TAF2: variants seen among roughly 807,000 people sequenced by gnomAD.
TAF2 encodes the protein transcription initiation factor TFIID subunit 2.
TAF2 carries 61 observed loss-of-function variants against 138.5 expected under a neutral mutation model. That is an observed-to-expected ratio of 0.44 (90% CI 0.36 to 0.54). TAF2 has a LOEUF of 0.54. Among genes scored for constraint, TAF2 ranks in the 20% least tolerant of loss-of-function variants. The pLI is 0.00. For missense variants in TAF2, 1,090 were observed against 1,427.9 expected, an observed-to-expected ratio of 0.76 and a Z score of 3.81; for synonymous variants, 475 against 469.9, an observed-to-expected ratio of 1.01 and a Z score of -0.14.
chr8:119,756,379 T>C (rs189585030), intron 21 of TAF2, among the ~76,000 whole-genome samples: 1 of 152,236 alleles, frequency 6.6e-6, no homozygotes, highest in East Asian at 1.9e-4. Context: ...GTGGATTTGG[T>C]CTTTCTAAAA....
intron 18 of TAF2, among the ~76,000 whole-genome samples, chr8:119,773,959 CAGG>C (rs1343589906): frequency 6.6e-6 from 1 of 151,672 alleles, no homozygotes; most frequent in Non-Finnish European, 1.5e-5. Flanking sequence ...ATCACGAGGT[CAGG>C]AGATCGAGAC....
intron 11 of TAF2, among the ~76,000 whole-genome samples, chr8:119,790,467 A>T (rs1823343193): frequency 6.6e-6 from 1 of 152,068 alleles, no homozygotes; most frequent in South Asian, 2.1e-4. Flanking sequence ...AAAAAAGGCA[A>T]GGTGAAGGAC....
At chr8:119,732,687 C>T (rs1818961048) in intron 25 of TAF2, among the ~76,000 whole-genome samples, 1 of 151,994 alleles carries the variant, frequency 6.6e-6, no homozygotes, top group African/African-American at 2.4e-5. Context: ...GCCTGTAATC[C>T]CAGGTACTTG....
chr8:119,809,998 T>TTAAAA (rs71571632), intron 3 of TAF2, among the ~76,000 whole-genome samples: 8 of 117,674 alleles, frequency 6.8e-5, no homozygotes, highest in Admixed American at 5.6e-4. Context: ...CTTCAATTTG[T>TTAAAA]AAAAAAAAAA....
chr8:119,793,497 C>A, intron 9 of TAF2, 46 bp from the exon 10 acceptor site: 1 of 1,313,686 alleles, frequency 7.6e-7, no homozygotes, highest in Non-Finnish European at 1.1e-6. Context: ...TGTAAAGTAA[C>A]ATTTTTTTAC....
chr8:119,773,259 C>T (rs1586387781), intron 18 of TAF2, among the ~76,000 whole-genome samples: 1 of 151,400 alleles, frequency 6.6e-6, no homozygotes. Context: ...TCTTATAATA[C>T]ACTACCATTT....
At chr8:119,734,282 T>A (rs1242408011) in intron 25 of TAF2, among the ~76,000 whole-genome samples, 1 of 152,230 alleles carries the variant, frequency 6.6e-6, no homozygotes, top group Middle Eastern at 3.4e-3. Flanking sequence ...TTATATATAT[T>A]AATCCAAACT....
At position 119,788,449 on chromosome 8, in the gene TAF2, T is replaced by C; in HGVS notation, c.1684-2A>G. 1.9e-6 allele frequency: 3 copies of C among 1,595,380 alleles called. No homozygotes were observed. The highest frequency in any genetic ancestry group is 2.6e-6 in the Non-Finnish European group (3 of 1,165,340). On this transcript the variant is annotated splice_acceptor_variant, in intron 13 of 25. Transcript: ENST00000378164. LOFTEE classifies it high-confidence loss of function. ...CTGCACTGTCACTTTAAGTGGTCCC[T>C]TTTAAAAAAAAAACGTACTGTTCAG...
At chr8:119,749,743 C>T (rs1820222388) in intron 22 of TAF2, among the ~76,000 whole-genome samples, 1 of 152,008 alleles carries the variant, frequency 6.6e-6, no homozygotes. Flanking sequence ...AGGCCCTGAA[C>T]AGCCTCTGAT....
intron 23 of TAF2, chr8:119,745,085 C>T (rs1428262328): frequency 2.2e-6 from 1 of 454,018 alleles, no homozygotes; most frequent in South Asian, 1.6e-5. Context: ...ACGAGTAGCT[C>T]ATATTATAGC....
At chr8:119,734,326 TA>T (rs1481005675) in intron 25 of TAF2, among the ~76,000 whole-genome samples, 1 of 152,154 alleles carries the variant, frequency 6.6e-6, no homozygotes, top group Non-Finnish European at 1.5e-5. Context: ...TTCACTAAAA[TA>T]GATTTCAATG....
chr8:119,814,210 G>A (rs1354747287), intron 3 of TAF2, among the ~76,000 whole-genome samples: 1 of 152,016 alleles, frequency 6.6e-6, no homozygotes, highest in Non-Finnish European at 1.5e-5. Context: ...AAATAGTAAG[G>A]CTTCATGTTG....
intron 18 of TAF2, among the ~76,000 whole-genome samples, chr8:119,763,845 C>T (rs1821238205): frequency 6.6e-6 from 1 of 151,530 alleles, no homozygotes; most frequent in African/African-American, 2.4e-5. Flanking sequence ...CAGAGCAAGA[C>T]TGTTTCAAAA....
At position 119,751,660 on chromosome 8, in the gene TAF2, T is replaced by C. The variant is rs1031385081; in HGVS notation, c.2878+4346A>G. Among the ~76,000 whole-genome samples, 7 of 152,270 alleles carry C rather than the reference T, an allele frequency of 4.6e-5. No individual in the cohort carries two copies. In the East Asian group the frequency reaches 5.8e-4, roughly 13 times the overall value. ...ATACTTAGTTAATACACAGAAAACA[T>C]AGCATAGTAACAAACAGAAAGTGCT... On this transcript the variant is annotated intron_variant, in intron 22 of 25. Coordinates refer to ENST00000378164, the MANE Select transcript of TAF2 (RefSeq NM_003184.4).
intron 2 of TAF2, among the ~76,000 whole-genome samples, chr8:119,829,509 CAATT>C (rs1826304591): frequency 6.6e-6 from 1 of 151,950 alleles, no homozygotes; most frequent in Non-Finnish European, 1.5e-5. Context: ...TCATTTCCCT[CAATT>C]AACTTGTGTG....
rs774681600 is a variant in TAF2 at position 119,781,206 on chromosome 8, A to C, written c.2113-13T>G. 4.3e-6 allele frequency: 7 copies of C among 1,613,796 alleles called. No individual in the cohort carries two copies. Among genetic ancestry groups the C allele is most frequent in the Non-Finnish European group, 5.9e-6 (7 of 1,179,950 alleles). On this transcript the variant is annotated splice_polypyrimidine_tract_variant and intron_variant, in intron 16 of 25. Coordinates refer to ENST00000378164, the MANE Select transcript of TAF2 (RefSeq NM_003184.4). ...TTGAATTTGCAATCTGCAAATAATT[A>C]GAAAACAAAGTAATTTCCATTACCA...
At position 119,764,539 on chromosome 8, in the gene TAF2, C is replaced by G. The variant is rs546670269; in HGVS notation, c.2365-1931G>C. 1.1e-4 allele frequency among the ~76,000 whole-genome samples: 16 copies of G among 152,250 alleles called. No homozygotes were observed. The South Asian group carries it at 1.5e-3, about 14-fold the overall frequency. ...TAACATGGTAATACTAAAAACATTA[C>G]CACACAAATGGGTAGCAGGGCCTTA... On this transcript the variant is annotated intron_variant, in intron 18 of 25. Coordinates refer to ENST00000378164, the MANE Select transcript of TAF2 (RefSeq NM_003184.4).
chr8:119,822,991 G>GT (rs1205537239), intron 2 of TAF2, among the ~76,000 whole-genome samples: 1 of 151,946 alleles, frequency 6.6e-6, no homozygotes, highest in Non-Finnish European at 1.5e-5. Flanking sequence ...TTTCCCTTCT[G>GT]TTTAAGAATG....
In TAF2 at chr8:119,768,640, T is replaced by G. The variant is rs1016189763; in HGVS notation, c.2365-6032A>C. On this transcript the variant is annotated intron_variant, in intron 18 of 25. Transcript: ENST00000378164. Reference sequence around the variant, plus strand: ...TGAGAAATACATATTCTGCAGTTGTTGGGTAGAATAATCTGTAAATGTCTA... The same window carrying G: ...TGAGAAATACATATTCTGCAGTTGTGGGGTAGAATAATCTGTAAATGTCTA... Among the ~76,000 whole-genome samples, 5 of 152,194 alleles carry G rather than the reference T, an allele frequency of 3.3e-5. No homozygotes were observed. In the East Asian group the frequency reaches 5.8e-4, roughly 18 times the overall value.
Sources: allele counts gnomAD v4.1 joint callset (sites outside exome capture counted in the v4.1 genomes callset), GRCh38; gene constraint gnomAD v4.1.1; transcripts MANE v1.5; gene names NCBI Gene and HGNC (gene_info 2026-07-23, HGNC 2026-07-21).